The following PDE7B variants were observed in gnomAD, a reference collection of about 807,000 sequenced individuals.
PDE7B encodes the protein phosphodiesterase 7B, also known as 3',5'-cyclic-AMP phosphodiesterase 7B.
Under a neutral mutation model 56.2 loss-of-function variants are expected in PDE7B, and 29 were observed. The ratio of observed to expected loss-of-function variants is 0.52; its 90% confidence interval spans 0.38 to 0.70. PDE7B has a LOEUF of 0.70. PDE7B is among the 30% of genes least tolerant of loss of function. PDE7B has a pLI of 0.00. For missense variants in PDE7B, 490 were observed against 565.0 expected (o/e 0.87, Z 1.35); for synonymous variants, 197 against 196.9 (o/e 1.00, Z 0.00).
At chr6:136,086,309 A>C (rs867527857) in intron 2 of PDE7B, among the ~76,000 whole-genome samples, 13 of 151,856 alleles carry the variant, frequency 8.6e-5, no homozygotes, top group Non-Finnish European at 1.5e-4. Context: ...TTGTGAAGCT[A>C]CTTGTCCATT....
At chr6:135,945,915 A>G (rs928676619) in intron 1 of PDE7B, among the ~76,000 whole-genome samples, 3 of 152,160 alleles carry the variant, frequency 2.0e-5, no homozygotes, top group Non-Finnish European at 2.9e-5. Context: ...TTCTTATTTC[A>G]AAATATTTGA....
intron 1 of PDE7B, among the ~76,000 whole-genome samples, chr6:135,869,981 A>G (rs1423843544): frequency 6.6e-6 from 1 of 152,204 alleles, no homozygotes; most frequent in Non-Finnish European, 1.5e-5. Flanking sequence ...TACTCTTCTC[A>G]CAGTAAATGA....
intron 1 of PDE7B, among the ~76,000 whole-genome samples, chr6:135,894,703 T>A (rs1483963744): frequency 6.6e-6 from 1 of 152,134 alleles, no homozygotes; most frequent in Non-Finnish European, 1.5e-5. Context: ...GATGTTTAAC[T>A]TTCCACCCAG....
intron 2 of PDE7B, among the ~76,000 whole-genome samples, chr6:135,957,413 G>A (rs562661413): frequency 6.6e-6 from 1 of 152,234 alleles, no homozygotes; most frequent in Admixed American, 6.5e-5. Context: ...AAAAAATACA[G>A]AAAAGACAAA....
chr6:135,915,103 A>G (rs1776278481), intron 1 of PDE7B, among the ~76,000 whole-genome samples: 1 of 151,658 alleles, frequency 6.6e-6, no homozygotes, highest in Non-Finnish European at 1.5e-5. Flanking sequence ...AAAAAAAAAA[A>G]GGATTTATTC....
chr6:136,122,520 T>C (rs1777954140), intron 3 of PDE7B, among the ~76,000 whole-genome samples: 1 of 152,210 alleles, frequency 6.6e-6, no homozygotes, highest in Non-Finnish European at 1.5e-5. Flanking sequence ...GCTTTTACAA[T>C]ATGCTTTATA....
chr6:136,167,084 GACTA>G (rs1039728883), intron 8 of PDE7B, among the ~76,000 whole-genome samples: 29 of 152,084 alleles, frequency 1.9e-4, no homozygotes, highest in African/African-American at 6.5e-4. Flanking sequence ...AGGCAGGAAT[GACTA>G]ACTCCCTCCT....
intron 1 of PDE7B, among the ~76,000 whole-genome samples, chr6:135,910,023 T>G (rs915622608): frequency 6.6e-6 from 1 of 152,332 alleles, no homozygotes; most frequent in East Asian, 1.9e-4. Context: ...CCTAAAATCC[T>G]GACAGGTGTA....
intron 2 of PDE7B, among the ~76,000 whole-genome samples, chr6:136,031,102 G>A (rs2128209015): frequency 6.6e-6 from 1 of 152,364 alleles, no homozygotes; most frequent in African/African-American, 2.4e-5. Context: ...GCCTGCGCCA[G>A]CATGATTGTT....
At chr6:135,873,323 A>T (rs905356188) in intron 1 of PDE7B, among the ~76,000 whole-genome samples, 5 of 152,164 alleles carry the variant, frequency 3.3e-5, no homozygotes, top group African/African-American at 1.2e-4. Context: ...TGCCTTCCCA[A>T]TATCTTCAAG....
intron 2 of PDE7B, among the ~76,000 whole-genome samples, chr6:136,020,730 G>C (rs1776057586): frequency 6.6e-6 from 1 of 151,632 alleles, no homozygotes; most frequent in African/African-American, 2.4e-5. Flanking sequence ...TTAAGAGCAA[G>C]GGACTCACCG....
At chr6:136,057,775 C>T (rs138414817) in intron 2 of PDE7B, among the ~76,000 whole-genome samples, 14 of 152,248 alleles carry the variant, frequency 9.2e-5, no homozygotes, top group African/African-American at 2.9e-4. Flanking sequence ...CTTGTTCTGT[C>T]ACCCAGGCTG....
At chr6:135,934,027 C>T (rs531175066) in intron 1 of PDE7B, among the ~76,000 whole-genome samples, 1 of 152,266 alleles carries the variant, frequency 6.6e-6, no homozygotes, top group East Asian at 1.9e-4. Flanking sequence ...TCTGTTGGTA[C>T]TCACCTCTAT....
In PDE7B at chr6:136,181,419, T is replaced by C. The variant is rs1188674625; in HGVS notation, c.1045+96T>C. 4 of 783,190 alleles carry C rather than the reference T, an allele frequency of 5.1e-6. No individual in the cohort carries two copies. The East Asian group carries it at 9.8e-5, about 19-fold the overall frequency. The allele number at this position is 783,190 out of a possible 1,614,324, so 48.5% of individuals were successfully genotyped here. The stretch of plus-strand genomic sequence containing the variant: ...GAAATGGCTGATCTATCATGACATT[T>C]GTTCTCTCATCAACTCTTGTTATCC... On this transcript the variant is annotated intron_variant, in intron 11 of 12. Transcript: ENST00000308191.
chr6:136,075,251 A>G (rs941919402), intron 2 of PDE7B, among the ~76,000 whole-genome samples: 9 of 152,148 alleles, frequency 5.9e-5, no homozygotes, highest in African/African-American at 2.2e-4. Flanking sequence ...GCATCTGAAA[A>G]TTATCTTGAT....
chr6:135,944,506 G>C (rs1215420003), intron 1 of PDE7B, among the ~76,000 whole-genome samples: 4 of 152,132 alleles, frequency 2.6e-5, no homozygotes, highest in Non-Finnish European at 5.9e-5. Context: ...TAAAGAGCTA[G>C]TTAAAGGCGC....
chr6:135,877,150 A>G (rs1020300212), intron 1 of PDE7B, among the ~76,000 whole-genome samples: 8 of 151,998 alleles, frequency 5.3e-5, no homozygotes, highest in African/African-American at 1.7e-4. Flanking sequence ...ATCTCCAGTA[A>G]TCTGCAACCT....
At chr6:135,962,658 A>G (rs1030765555) in intron 2 of PDE7B, among the ~76,000 whole-genome samples, 2 of 152,152 alleles carry the variant, frequency 1.3e-5, no homozygotes, top group African/African-American at 4.8e-5. Flanking sequence ...AGGTTTTGAT[A>G]ACTGACTCCC....
intron 9 of PDE7B, among the ~76,000 whole-genome samples, chr6:136,176,969 TTC>T (rs1369452886): frequency 1.3e-5 from 2 of 152,174 alleles, no homozygotes; most frequent in Non-Finnish European, 2.9e-5. Flanking sequence ...CTTGTGAATT[TTC>T]TGTTTTATAT....
Sources: gnomAD v4.1 joint callset for allele counts (sites outside exome capture counted in the v4.1 genomes callset) on GRCh38, gnomAD v4.1.1 for gene constraint, MANE v1.5 for transcripts, NCBI Gene and HGNC (gene_info 2026-07-23, HGNC 2026-07-21) for gene names.